KCTD8: variants seen among roughly 807,000 people sequenced by gnomAD.
KCTD8 encodes BTB/POZ domain-containing protein KCTD8.
A neutral mutation model predicts 31.5 loss-of-function variants in KCTD8; 27 were observed. The ratio of observed to expected loss-of-function variants is 0.86; its 90% CI spans 0.63 to 1.18. KCTD8 has a LOEUF of 1.18. KCTD8 is among the 50% of genes most tolerant of loss of function. The probability of loss-of-function intolerance (pLI) is 0.00; values close to 1 mark genes in which losing one functional copy is unlikely to be tolerated. For synonymous variants in KCTD8, 290 were observed against 280.0 expected (o/e 1.04, Z -0.36); for missense variants, 658 against 647.7 (o/e 1.02, Z -0.17).
intron 1 of KCTD8, among the ~76,000 whole-genome samples, chr4:44,183,838 C>T (rs1172071121): frequency 1.3e-5 from 2 of 152,124 alleles, no homozygotes; most frequent in African/African-American, 2.4e-5. Flanking sequence ...GCAACAGTCA[C>T]AATTCCTAGA....
intron 1 of KCTD8, among the ~76,000 whole-genome samples, chr4:44,304,868 G>A (rs1171049798): frequency 1.3e-5 from 2 of 151,968 alleles, no homozygotes; most frequent in African/African-American, 2.4e-5. Flanking sequence ...CCTGCCTGCA[G>A]TCCTAGCAGG....
intron 1 of KCTD8, 131 bp from the exon 2 acceptor site, chr4:44,175,381 T>TA (rs1713180483): frequency 1.7e-6 from 1 of 577,906 alleles, no homozygotes; most frequent in African/African-American, 1.9e-5. Context: ...GTGCATATTG[T>TA]ACTAGTCTAG....
intron 1 of KCTD8, among the ~76,000 whole-genome samples, chr4:44,218,395 AAGTGGTGGG>A (rs1714712192): frequency 6.6e-6 from 1 of 151,296 alleles, no homozygotes; most frequent in Non-Finnish European, 1.5e-5. Flanking sequence ...TGGCCTCCCA[AAGTGGTGGG>A]AGTACAGGCA....
chr4:44,231,029 TTTG>T (rs1715104405), intron 1 of KCTD8, among the ~76,000 whole-genome samples: 2 of 152,082 alleles, frequency 1.3e-5, no homozygotes, highest in South Asian at 4.1e-4. Context: ...ATTCTATGAG[TTTG>T]TTTAGTGTTC....
In KCTD8 at chr4:44,448,793, C is replaced by A. The variant is rs1722029701; in HGVS notation, c.-270G>T. On this transcript the variant is annotated 5_prime_UTR_variant, in exon 1 of 2. Transcript: ENST00000360029. The surrounding 1 kb of genome is among the most constrained non-coding windows in gnomAD (Gnocchi z 4.1). ...AGAAGGAGCTGCTGCTCCTTTGGGG[C>A]GAGGGCGGGGAAGTGTGAGAGAGAC... The A allele has an allele frequency of 6.0e-6, 2 of 333,902 alleles. No homozygotes were observed. The highest frequency in any genetic ancestry group is 1.1e-5 in the Non-Finnish European group (2 of 185,838). The allele number at this position is 333,902 out of a possible 1,614,324, so 20.7% of individuals were successfully genotyped here.
chr4:44,391,835 T>C (rs1406885634), intron 1 of KCTD8, among the ~76,000 whole-genome samples: 1 of 151,962 alleles, frequency 6.6e-6, no homozygotes, highest in Non-Finnish European at 1.5e-5. Flanking sequence ...ACTGTTATAA[T>C]GAGTAGACAA....
At chr4:44,185,839 C>G (rs1708959300) in intron 1 of KCTD8, among the ~76,000 whole-genome samples, 1 of 151,630 alleles carries the variant, frequency 6.6e-6, no homozygotes, top group African/African-American at 2.4e-5. Context: ...TTTCTGTACT[C>G]AGTTTAACTT....
intron 1 of KCTD8, among the ~76,000 whole-genome samples, chr4:44,327,996 C>A (rs1474396952): frequency 1.3e-5 from 2 of 151,888 alleles, no homozygotes; most frequent in South Asian, 4.1e-4. Flanking sequence ...AAGCATATTT[C>A]TTTTATAGGA....
chr4:44,246,618 A>G (rs1279323769), intron 1 of KCTD8, among the ~76,000 whole-genome samples: 1 of 151,832 alleles, frequency 6.6e-6, no homozygotes, highest in African/African-American at 2.4e-5. Flanking sequence ...CTCTTTCTCA[A>G]TTTTCCTTTA....
chr4:44,378,897 T>C (rs1423084678), intron 1 of KCTD8, among the ~76,000 whole-genome samples: 1 of 152,116 alleles, frequency 6.6e-6, no homozygotes, highest in Non-Finnish European at 1.5e-5. Flanking sequence ...ACAAGACTAG[T>C]TTCTTCCAAA....
intron 1 of KCTD8, among the ~76,000 whole-genome samples, chr4:44,300,986 G>T (rs1245253039): frequency 6.7e-6 from 1 of 148,434 alleles, no homozygotes; most frequent in Non-Finnish European, 1.5e-5. Context: ...TTGTCCTTGC[G>T]ATAGTTTACT....
chr4:44,187,210 A>T (rs1713615094), intron 1 of KCTD8, among the ~76,000 whole-genome samples: 1 of 152,234 alleles, frequency 6.6e-6, no homozygotes, highest in African/African-American at 2.4e-5. Flanking sequence ...TTTTTTCTGC[A>T]GAAGAACACT....
At chr4:44,266,982 C>A (rs1045074475) in intron 1 of KCTD8, among the ~76,000 whole-genome samples, 3 of 152,118 alleles carry the variant, frequency 2.0e-5, no homozygotes, top group African/African-American at 4.8e-5. Flanking sequence ...TTAGACAGAT[C>A]AACGAGACAA....
intron 1 of KCTD8, among the ~76,000 whole-genome samples, chr4:44,180,844 G>A (rs1448163514): frequency 6.6e-6 from 1 of 152,084 alleles, no homozygotes; most frequent in South Asian, 2.1e-4. Context: ...AATAGGAGGA[G>A]ATTTTCCAAG....
chr4:44,296,587 A>T (rs1423012358), intron 1 of KCTD8, among the ~76,000 whole-genome samples: 3 of 152,124 alleles, frequency 2.0e-5, no homozygotes, highest in Non-Finnish European at 4.4e-5. Context: ...TCAGACACTG[A>T]AACACCAATA....
intron 1 of KCTD8, among the ~76,000 whole-genome samples, chr4:44,343,001 A>G (rs1365329341): frequency 6.6e-6 from 1 of 152,212 alleles, no homozygotes; most frequent in Admixed American, 6.5e-5. Context: ...AACATTTTCC[A>G]TATCAGCAAT....
intron 1 of KCTD8, among the ~76,000 whole-genome samples, chr4:44,407,427 G>A (rs1280575698): frequency 4.9e-5 from 6 of 122,886 alleles, no homozygotes; most frequent in Non-Finnish European, 1.0e-4. Flanking sequence ...CACTCTTGTT[G>A]CCCAGACTGA....
intron 1 of KCTD8, among the ~76,000 whole-genome samples, chr4:44,437,533 T>A (rs1159942485): frequency 6.6e-6 from 1 of 152,212 alleles, no homozygotes; most frequent in Non-Finnish European, 1.5e-5. Context: ...ATAGTTTTTA[T>A]GTTTCTGATT....
chr4:44,336,133 G>A (rs1327367983), intron 1 of KCTD8, among the ~76,000 whole-genome samples: 1 of 99,664 alleles, frequency 1.0e-5, no homozygotes, highest in Non-Finnish European at 1.8e-5. Context: ...CTGGGCGACA[G>A]AGCGAGACTC....
Sources: gnomAD v4.1 joint callset for allele counts (sites outside exome capture counted in the v4.1 genomes callset) on GRCh38, gnomAD v4.1.1 for gene constraint, Gnocchi (gnomAD v3.1) non-coding constraint, MANE v1.5 for transcripts, NCBI Gene and HGNC (gene_info 2026-07-23, HGNC 2026-07-21) for gene names.